Variants in CCSER1 observed in about 807,000 individuals in gnomAD.
CCSER1 encodes serine-rich coiled-coil domain-containing protein 1.
CCSER1 carries 41 observed loss-of-function variants against 82.0 expected under a neutral mutation model. The ratio of observed to expected loss-of-function variants is 0.50; its 90% confidence interval spans 0.39 to 0.65. The LOEUF (loss-of-function observed/expected upper bound fraction) is 0.65, where lower values mean the gene tolerates loss of function less well. Among genes scored for constraint, CCSER1 ranks in the 30% least tolerant of loss-of-function variants. CCSER1 has a pLI of 0.00. For synonymous variants in CCSER1, 414 were observed against 383.9 expected, an observed-to-expected ratio of 1.08 and a Z score of -0.92; for missense variants, 1,119 against 1,064.2, an observed-to-expected ratio of 1.05 and a Z score of -0.72.
intron 9 of CCSER1, among the ~76,000 whole-genome samples, chr4:90,986,440 T>C (rs1193620367): frequency 6.6e-6 from 1 of 151,824 alleles, no homozygotes; most frequent in Non-Finnish European, 1.5e-5. Context: ...CACCTGATTA[T>C]TTCTGAAACA....
At chr4:90,176,159 A>G (rs956553076) in intron 1 of CCSER1, among the ~76,000 whole-genome samples, 3 of 152,024 alleles carry the variant, frequency 2.0e-5, no homozygotes, top group African/African-American at 7.2e-5. Flanking sequence ...AGGATGCTTA[A>G]TGGTCAGAAT....
intron 8 of CCSER1, among the ~76,000 whole-genome samples, chr4:90,920,045 C>T (rs1055811376): frequency 2.0e-5 from 3 of 151,838 alleles, no homozygotes; most frequent in African/African-American, 4.8e-5. Context: ...TAATTCTTCA[C>T]TATCCTTCTG....
At chr4:90,664,562 A>G (rs1035626000) in intron 6 of CCSER1, among the ~76,000 whole-genome samples, 2 of 152,184 alleles carry the variant, frequency 1.3e-5, no homozygotes, top group Non-Finnish European at 2.9e-5. Context: ...AAATTTAGAT[A>G]CTTGGGTAAT....
Position 91,445,866 on chromosome 4 carries a change from T to G in CCSER1, c.2218-152706T>G, listed in dbSNP as rs567428382. 1.9e-4 allele frequency among the ~76,000 whole-genome samples: 29 copies of G among 151,400 alleles called. No homozygotes were observed. In the East Asian group the frequency reaches 4.1e-3, roughly 21 times the overall value. On this transcript the variant is annotated intron_variant, in intron 10 of 10. Transcript: ENST00000509176. Reference sequence around the variant, plus strand: ...TGGATACCTCTTCAAAAATAGTGGGTTTTTTTTTCTTTATCTGGTCTGTGT... The same window carrying G: ...TGGATACCTCTTCAAAAATAGTGGGGTTTTTTTTCTTTATCTGGTCTGTGT...
chr4:91,047,292 A>G (rs1030100994), intron 9 of CCSER1, among the ~76,000 whole-genome samples: 1 of 152,170 alleles, frequency 6.6e-6, no homozygotes, highest in Non-Finnish European at 1.5e-5. Flanking sequence ...TAACACATAC[A>G]TATATATTCA....
chr4:91,316,214 C>A (rs1005055294), intron 10 of CCSER1, among the ~76,000 whole-genome samples: 1 of 151,832 alleles, frequency 6.6e-6, no homozygotes, highest in Non-Finnish European at 1.5e-5. Flanking sequence ...CTTGAGTATG[C>A]CTTTATTAGC....
intron 9 of CCSER1, among the ~76,000 whole-genome samples, chr4:90,932,994 A>AAGAAAGAAAGAAAGAAAGAAAGAAAGAAG (rs1730279112): frequency 1.7e-5 from 1 of 60,406 alleles, no homozygotes. Flanking sequence ...GAAAGAAAGA[A>AAGAAAGAAAGAAAGAAAGAAAGAAAGAAG]AGAAAGAAAG....
chr4:90,226,781 G>A lies in CCSER1; in HGVS notation c.-41-81463G>A, dbSNP rs559064324. ...TCTTCAGCTATGAGGAATACAGATA[G>A]ATGACAGGTCTTGGCTCCCAAACCT... On this transcript the variant is annotated intron_variant, in intron 1 of 10. Transcript: ENST00000509176. Among the ~76,000 whole-genome samples, 8 of 152,308 alleles carry A rather than the reference G, an allele frequency of 5.3e-5. No homozygotes were observed. The East Asian group carries it at 1.3e-3, about 26-fold the overall frequency.
At chr4:90,642,168 G>C (rs1033295882) in intron 6 of CCSER1, 3 of 157,916 alleles carry the variant, frequency 1.9e-5, no homozygotes, top group African/African-American at 7.2e-5. Context: ...TGGAAAAGCC[G>C]TAATTGTGTT....
intron 5 of CCSER1, among the ~76,000 whole-genome samples, chr4:90,496,841 G>A (rs1324241844): frequency 1.3e-5 from 2 of 151,844 alleles, no homozygotes; most frequent in African/African-American, 4.8e-5. Flanking sequence ...GCTGGGTGTG[G>A]TGGCTCATGC....
chr4:90,166,827 T>C (rs1344007644), intron 1 of CCSER1, among the ~76,000 whole-genome samples: 1 of 152,060 alleles, frequency 6.6e-6, no homozygotes, highest in Non-Finnish European at 1.5e-5. Context: ...TTAAATAATA[T>C]ATAATTAACC....
chr4:91,536,468 C>T (rs547001316), intron 10 of CCSER1, among the ~76,000 whole-genome samples: 8 of 152,062 alleles, frequency 5.3e-5, no homozygotes, highest in Non-Finnish European at 8.8e-5. Context: ...CCTTTTTCTA[C>T]CCTGCTTTGC....
chr4:90,577,549 C>T (rs1297848898), intron 5 of CCSER1, among the ~76,000 whole-genome samples: 5 of 151,934 alleles, frequency 3.3e-5, no homozygotes, highest in Admixed American at 3.3e-4. Context: ...ATTGGTTTGC[C>T]CTTTGACCTA....
intron 3 of CCSER1, among the ~76,000 whole-genome samples, chr4:90,381,359 G>A (rs1323553789): frequency 6.6e-6 from 1 of 152,138 alleles, no homozygotes; most frequent in Non-Finnish European, 1.5e-5. Flanking sequence ...AATTTGAAAA[G>A]TCAGAATATT....
At chr4:90,221,764 G>A (rs150286200) in intron 1 of CCSER1, among the ~76,000 whole-genome samples, 1 of 152,218 alleles carries the variant, frequency 6.6e-6, no homozygotes, top group South Asian at 2.1e-4. Flanking sequence ...GTAGGAATGA[G>A]TTTAGATGCC....
At chr4:90,252,906 T>C (rs1229884682) in intron 1 of CCSER1, among the ~76,000 whole-genome samples, 3 of 151,988 alleles carry the variant, frequency 2.0e-5, no homozygotes, top group Non-Finnish European at 4.4e-5. Context: ...ATTTTTATGG[T>C]ATAGTTTTAC....
chr4:91,501,538 G>A (rs1759211996), intron 10 of CCSER1, among the ~76,000 whole-genome samples: 1 of 151,782 alleles, frequency 6.6e-6, no homozygotes, highest in South Asian at 2.1e-4. Context: ...AATATAATAG[G>A]ACAGGTATTT....
intron 10 of CCSER1, among the ~76,000 whole-genome samples, chr4:91,381,975 G>C (rs553807701): frequency 6.6e-6 from 1 of 152,280 alleles, no homozygotes; most frequent in South Asian, 2.1e-4. Flanking sequence ...AGGACCTTCA[G>C]CTGCAACTGA....
At chr4:91,415,584 C>A (rs1197559469) in intron 10 of CCSER1, among the ~76,000 whole-genome samples, 1 of 152,032 alleles carries the variant, frequency 6.6e-6, no homozygotes, top group Non-Finnish European at 1.5e-5. Context: ...AGGTATGTTC[C>A]TTCAATACCA....
Sources: gnomAD v4.1 joint callset for allele counts (sites outside exome capture counted in the v4.1 genomes callset) on GRCh38, gnomAD v4.1.1 for gene constraint, MANE v1.5 for transcripts, NCBI Gene and HGNC (gene_info 2026-07-23, HGNC 2026-07-21) for gene names.